The following NTMT1 variants were observed in gnomAD, a reference collection of about 807,000 sequenced individuals.
NTMT1 encodes N-terminal Xaa-Pro-Lys N-methyltransferase 1.
In NTMT1, 8 loss-of-function variants were observed where a neutral mutation model predicts 17.5. That is an observed-to-expected ratio of 0.46 (90% confidence interval 0.27 to 0.82). The LOEUF (loss-of-function observed/expected upper bound fraction) is 0.82. Among genes scored for constraint, NTMT1 ranks in the 40% least tolerant of loss-of-function variants. The pLI is 0.15. For synonymous variants in NTMT1, 128 were observed against 126.8 expected, an observed-to-expected ratio of 1.01 and a Z score of -0.06; for missense variants, 221 against 303.5, an observed-to-expected ratio of 0.73 and a Z score of 2.02.
At chr9:129,634,755 G>A in intron 3 of NTMT1, 1 of 221,966 alleles carries the variant, frequency 4.5e-6, no homozygotes, top group South Asian at 7.5e-5. Flanking sequence ...GCCACCTCCT[G>A]AGGCGGGCAG....
intron 1 of NTMT1, among the ~76,000 whole-genome samples, chr9:129,610,208 A>AGGGAGGGGGAGGG (rs1830078917): frequency 2.0e-5 from 1 of 48,950 alleles, no homozygotes; most frequent in African/African-American, 9.4e-5. Context: ...GGGGGGGAGG[A>AGGGAGGGGGAGGG]GGGAGGGGGA....
In NTMT1 at chr9:129,635,941, C is replaced by T. The variant is rs139412944; in HGVS notation, c.*477C>T. 56 of 162,880 alleles carry T rather than the reference C, an allele frequency of 3.4e-4. 2 individuals are homozygous for T. In the East Asian group the frequency reaches 9.5e-3, roughly 28 times the overall value. 10.1% of individuals were successfully genotyped at this position (162,880 alleles called of 1,614,324 possible). A position where few individuals can be genotyped will look rare whatever the true frequency, so the allele number is the denominator to read the frequency against. ...AGCCCATGGGTGCTGCCTGATGGTG[C>T]TGTGGGGTGGGTGCTCATGTGCCAA... On this transcript the variant is annotated 3_prime_UTR_variant, in exon 4 of 4. Coordinates refer to ENST00000372483, the MANE Select transcript of NTMT1 (RefSeq NM_014064.4).
At chr9:129,617,648 C>T (rs990593874) in intron 1 of NTMT1, among the ~76,000 whole-genome samples, 5 of 151,924 alleles carry the variant, frequency 3.3e-5, no homozygotes, top group Admixed American at 6.6e-5. Flanking sequence ...ATTGGTTGAA[C>T]GTTCTGAGGT....
rs550458768 is a variant in NTMT1 at position 129,635,640 on chromosome 9, G to C, written c.*176G>C. The C allele has an allele frequency of 6.4e-6, 5 of 786,814 alleles. No homozygotes were observed. Among genetic ancestry groups the C allele is most frequent in the African/African-American group, 1.7e-5 (1 of 57,874 alleles). 48.7% of individuals were successfully genotyped at this position (786,814 alleles called of 1,614,324 possible). On this transcript the variant is annotated 3_prime_UTR_variant, in exon 4 of 4. Coordinates refer to ENST00000372483, the MANE Select transcript of NTMT1 (RefSeq NM_014064.4). ...TTCAAAAGGCAAGGTGGGACCCGGC[G>C]GGGAGGGTGCTGCTGAACCAGCGGT...
chr9:129,622,230 C>T (rs1311486371), upstream of NTMT1, among the ~76,000 whole-genome samples: 2 of 152,208 alleles, frequency 1.3e-5, no homozygotes, highest in Non-Finnish European at 2.9e-5. Context: ...CGGTGTCTCA[C>T]GCCTGTAATC....
In NTMT1 at chr9:129,635,326, C is replaced by A. The variant is rs759109241; in HGVS notation, c.534C>A (p.Asp178Glu). 1.2e-6 allele frequency: 2 copies of A among 1,613,844 alleles called. No homozygotes were observed. The highest frequency in any genetic ancestry group is 1.7e-6 in the Non-Finnish European group (2 of 1,180,046). Residue 178 changes from aspartate (D) to glutamate (E), a missense_variant, in exon 4 of 4, where the codon GAC (aspartate) becomes GAA (glutamate). By Grantham distance (45) the Asp-to-Glu change is conservative. Transcript: ENST00000372483. ...NMAQEGVILD[D>E]VDSSVCRDLD... ...CCCAGGAGGGCGTGATTCTGGACGA[C>A]GTGGACAGCAGCGTGTGCCGGGACC...
chr9:129,611,909 C>A (rs971713034), intron 1 of NTMT1, among the ~76,000 whole-genome samples: 25 of 151,956 alleles, frequency 1.6e-4, no homozygotes, highest in Non-Finnish European at 2.9e-4. Context: ...TGGAGCACCA[C>A]GCCCAGCTAT....
intron 1 of NTMT1, chr9:129,612,114 CCTG>C: frequency 2.0e-6 from 1 of 499,304 alleles, no homozygotes. Context: ...CACTACAAGT[CCTG>C]AACCCCAGGG....
chr9:129,628,025 T>C (rs1262482857), intron 1 of NTMT1, among the ~76,000 whole-genome samples: 1 of 152,240 alleles, frequency 6.6e-6, no homozygotes, highest in East Asian at 1.9e-4. Flanking sequence ...ATTTACTGGC[T>C]GAGCAGCCAT....
At chr9:129,612,698 T>C (rs919681221) in intron 1 of NTMT1, among the ~76,000 whole-genome samples, 4 of 152,166 alleles carry the variant, frequency 2.6e-5, no homozygotes, top group African/African-American at 9.7e-5. Flanking sequence ...GCCAGCATAG[T>C]GAAACCCTGT....
At position 129,620,548 on chromosome 9, in the gene NTMT1, C is replaced by A. The variant is rs746882730; in HGVS notation, c.-55+11370C>A. 7.1e-6 allele frequency: 10 copies of A among 1,401,038 alleles called. No homozygotes were observed. In the African/African-American group the frequency reaches 1.5e-4, roughly 21 times the overall value. 86.8% of individuals were successfully genotyped at this position (1,401,038 alleles called of 1,614,324 possible). Reference sequence around the variant, plus strand: ...GCCCCTTGGGCGCCAGGTCCTGGGCCCCTGGGCGAAGTCGACGCCAGAACA... The same window carrying A: ...GCCCCTTGGGCGCCAGGTCCTGGGCACCTGGGCGAAGTCGACGCCAGAACA... On this transcript the variant is annotated intron_variant, in intron 1 of 3. Coordinates refer to the NTMT1 transcript ENST00000372486. This position sits in a 1 kb window ranked among gnomAD's most constrained non-coding sequence, Gnocchi z 5.8.
rs143109321 is a variant in NTMT1 at position 129,613,505 on chromosome 9, G to T, written c.-55+4327G>T. On this transcript the variant is annotated intron_variant, in intron 1 of 3. Coordinates refer to the NTMT1 transcript ENST00000372486. This position sits in a 1 kb window ranked among gnomAD's most constrained non-coding sequence, Gnocchi z 6.2. ...TTGGCCCCAGGGTACAGGGCTTTGG[G>T]CAAACTCTCCAGCCGTTTTCCGACA... The T allele has an allele frequency of 4.6e-5, 75 of 1,614,046 alleles. No homozygotes were observed. Among genetic ancestry groups the T allele is most frequent in the Non-Finnish European group, 5.8e-5 (68 of 1,180,042 alleles).
intron 1 of NTMT1, chr9:129,615,711 G>A: frequency 1.4e-6 from 2 of 1,451,762 alleles, no homozygotes; most frequent in Non-Finnish European, 1.8e-6. Flanking sequence ...ACACGCACCA[G>A]CCCCAGACTC....
rs760868670 is a variant in NTMT1, at chr9:129,619,725, C to T, written c.-55+10547C>T. The T allele has an allele frequency of 3.1e-6, 5 of 1,613,624 alleles. No homozygotes were observed. The South Asian group carries it at 3.3e-5, about 11-fold the overall frequency. ...TGGCAACCCCGTCCCCACCAAGAAG[C>T]GGACTGACGCTTACCACAGGTCTGG... On this transcript the variant is annotated intron_variant, in intron 1 of 3. Transcript: ENST00000372486.
At chr9:129,610,335 G>A (rs1267793080) in intron 1 of NTMT1, among the ~76,000 whole-genome samples, 1 of 150,390 alleles carries the variant, frequency 6.6e-6, no homozygotes, top group Non-Finnish European at 1.5e-5. Context: ...CCCGGCGCGA[G>A]CAAGGGCGTG....
Position 129,620,449 on chromosome 9 carries a change from C to T in NTMT1, c.-55+11271C>T. The T allele has an allele frequency of 7.6e-7, 1 of 1,315,112 alleles. No individual in the cohort carries two copies. The highest frequency in any genetic ancestry group is 9.7e-7 in the Non-Finnish European group (1 of 1,030,396). The allele number at this position is 1,315,112 out of a possible 1,614,324, so 81.5% of individuals were successfully genotyped here. A position where few individuals can be genotyped will look rare whatever the true frequency, so the allele number is the denominator to read the frequency against. On this transcript the variant is annotated intron_variant, in intron 1 of 3. Transcript: ENST00000372486. This position sits in a 1 kb window ranked among gnomAD's most constrained non-coding sequence, Gnocchi z 5.8. ...CCCCGGAGCCCCGCGCGCCCAGAGC[C>T]GCTCGGAGCGCGGGCGGGGTCAGCT...
intron 1 of NTMT1, among the ~76,000 whole-genome samples, chr9:129,611,553 T>C (rs915163441): frequency 1.3e-5 from 2 of 152,178 alleles, no homozygotes; most frequent in African/African-American, 2.4e-5. Flanking sequence ...AACACAGGGC[T>C]CTCTTCCCTC....
chr9:129,616,836 TGGGAGGCA>T, intron 1 of NTMT1, among the ~76,000 whole-genome samples: 1 of 152,278 alleles, frequency 6.6e-6, no homozygotes, highest in East Asian at 1.9e-4. Flanking sequence ...CCCAGCACTT[TGGGAGGCA>T]GGCAGATCAA....
In NTMT1 at chr9:129,632,751, C is replaced by T; in HGVS notation, c.48C>T (p.Ala16=). ...IEDEKQFYSK[A]KTYWKQIPPT... ...ACGAGAAGCAATTCTATTCCAAGGC[C>T]AAGACCTACTGGAAACAAATCCCAC... The change falls in exon 2 of 4, where the codon GCC becomes GCT. Residue 16 remains alanine, a synonymous_variant. Coordinates refer to ENST00000372483, the MANE Select transcript of NTMT1 (RefSeq NM_014064.4). The T allele has an allele frequency of 6.2e-7, 1 of 1,614,182 alleles. No individual in the cohort carries two copies. The highest frequency in any genetic ancestry group is 8.5e-7 in the Non-Finnish European group (1 of 1,180,032).
Sources: gnomAD v4.1 joint callset for allele counts (sites outside exome capture counted in the v4.1 genomes callset) on GRCh38, gnomAD v4.1.1 for gene constraint, Gnocchi (gnomAD v3.1) non-coding constraint, MANE v1.5 for transcripts, NCBI Gene and HGNC (gene_info 2026-07-23, HGNC 2026-07-21) for gene names.